The following ENO1 variants were observed in gnomAD, a reference collection of about 807,000 sequenced individuals.
ENO1 encodes enolase 1, also known as alpha-enolase.
Under a neutral mutation model 46.3 loss-of-function variants are expected in ENO1, and 33 were observed. The ratio of observed to expected loss-of-function variants is 0.71; its 90% CI spans 0.54 to 0.95. The LOEUF is 0.95. Among genes scored for constraint, ENO1 ranks in the 40% least tolerant of loss-of-function variants. ENO1 has a pLI of 0.00. For missense variants in ENO1, 488 were observed against 553.3 expected (o/e 0.88, Z 1.18); for synonymous variants, 220 against 216.0 (o/e 1.02, Z -0.16).
In ENO1 at chr1:8,871,094, C is replaced by T. The variant is rs900684284; in HGVS notation, c.182-584G>A. On this transcript the variant is annotated intron_variant, in intron 3 of 11. Transcript: ENST00000234590. ...CCTGCTCCGGCTAAGTCCCCACGTACGCCATTAAACAACGGTCAAATGGTA... is the reference window on the plus strand; with the variant it reads ...CCTGCTCCGGCTAAGTCCCCACGTATGCCATTAAACAACGGTCAAATGGTA... The T allele has an allele frequency of 9.6e-5, 116 of 1,208,896 alleles. No individual in the cohort carries two copies. The East Asian group carries it at 3.5e-3, about 37-fold the overall frequency. 74.9% of individuals were successfully genotyped at this position (1,208,896 alleles called of 1,614,324 possible).
intron 8 of ENO1, among the ~76,000 whole-genome samples, chr1:8,864,467 C>CTTATT (rs143400663): frequency 3.9e-5 from 6 of 152,246 alleles, no homozygotes; most frequent in South Asian, 2.1e-4. Context: ...TACCCAGCTA[C>CTTATT]TTATTTTATT....
At chr1:8,866,226 A>AG (rs3831913) in intron 7 of ENO1, 53 bp downstream of exon 7, 780,898 of 1,546,740 alleles carry the variant, frequency 0.5, 206,548 homozygotes, top group Non-Finnish European at 0.55. Context: ...CCCCCAACAG[A>AG]GGGAGCTGGC....
rs778504712 is a variant in ENO1, at chr1:8,865,496, G to T, written c.668-14C>A. 6.2e-7 allele frequency: 1 copy of T among 1,612,060 alleles called. No homozygotes were observed. Among genetic ancestry groups the T allele is most frequent in the Admixed American group, 1.7e-5 (1 of 60,006 alleles). On this transcript the variant is annotated splice_polypyrimidine_tract_variant and intron_variant, in intron 7 of 11. Transcript: ENST00000234590. ...GCAGCTCCAGGCCTGGGAAGAGATG[G>T]TGACAACAGGTTTGGAAAACAGGTA... is the stretch of plus-strand genomic sequence containing the variant.
intron 7 of ENO1, 48 bp from the exon 8 acceptor site, chr1:8,865,530 GA>G: frequency 6.3e-7 from 1 of 1,590,808 alleles, no homozygotes; most frequent in Non-Finnish European, 8.6e-7. Flanking sequence ...TAGGTACAGA[GA>G]AAACTTCCCT....
Position 8,874,911 on chromosome 1 carries a change from T to G in ENO1, c.-3A>C. ...GCATGGATCTTGAGAATAGACATGG[T>G]GAACTTCTGTAGAAGAAACACACAG... On this transcript the variant is annotated 5_prime_UTR_variant, in exon 2 of 12. Transcript: ENST00000234590. The G allele has an allele frequency of 6.2e-7, 1 of 1,612,926 alleles. No individual in the cohort carries two copies. Among genetic ancestry groups the G allele is most frequent in the Non-Finnish European group, 8.5e-7 (1 of 1,179,234 alleles).
chr1:8,874,577 C>CAAAAAAAAAAAAAAAAAAAAAAA (rs140269736), intron 2 of ENO1, among the ~76,000 whole-genome samples: 10 of 51,572 alleles, frequency 1.9e-4, no homozygotes, highest in Admixed American at 3.2e-4. Flanking sequence ...GACTCCATCT[C>CAAAAAAAAAAAAAAAAAAAAAAA]AAAAAAAAAA....
rs1472662105 is a variant in ENO1, at chr1:8,878,663, G to A, written c.-93C>T. On this transcript the variant is annotated 5_prime_UTR_variant, in exon 1 of 12. It adds an upstream start codon to the 5' untranslated region. Coordinates refer to ENST00000234590, the MANE Select transcript of ENO1 (RefSeq NM_001428.5). Reference sequence around the variant, plus strand: ...TGAACGTAAAGCCGGCGAGATCTCCGTGCTCCGGGTACCCACAGATACTGT... The same window carrying A: ...TGAACGTAAAGCCGGCGAGATCTCCATGCTCCGGGTACCCACAGATACTGT... 1 of 456,102 alleles carries A rather than the reference G, an allele frequency of 2.2e-6. No individual in the cohort carries two copies. Among genetic ancestry groups the A allele is most frequent in the Non-Finnish European group, 4.4e-6 (1 of 226,814 alleles). The allele number at this position is 456,102 out of a possible 1,614,324, so 28.3% of individuals were successfully genotyped here.
chr1:8,877,714 A>ACAAC (rs1557589614), intron 1 of ENO1: 1 of 151,348 alleles, frequency 6.6e-6, no homozygotes, highest in Non-Finnish European at 1.5e-5. Flanking sequence ...CAACAACAAA[A>ACAAC]AAAAAACAAA....
At chr1:8,875,887 G>C (rs1248461270) in intron 1 of ENO1, 1 of 152,028 alleles carries the variant, frequency 6.6e-6, no homozygotes. Context: ...AAGCATGCTA[G>C]GATGATTATA....
At chr1:8,870,936 G>T in intron 3 of ENO1, 1 of 1,253,094 alleles carries the variant, frequency 8.0e-7, no homozygotes. Flanking sequence ...GAAGAGAACC[G>T]GTGATTAAGG....
intron 1 of ENO1, 38 bp downstream of exon 1, chr1:8,878,542 G>A (rs540254544): frequency 8.8e-6 from 4 of 452,766 alleles, no homozygotes; most frequent in East Asian, 7.0e-5. Flanking sequence ...AAAGCCCTGC[G>A]CCGCCTGCCC....
intron 1 of ENO1, among the ~76,000 whole-genome samples, chr1:8,876,675 A>AT (rs968609579): frequency 2.2e-4 from 33 of 152,022 alleles, no homozygotes; most frequent in Middle Eastern, 3.2e-3. Flanking sequence ...AGGAGGGTGG[A>AT]TCACGAGGTC....
At chr1:8,876,786 A>T (rs1642741799) in intron 1 of ENO1, among the ~76,000 whole-genome samples, 1 of 149,354 alleles carries the variant, frequency 6.7e-6, no homozygotes, top group Non-Finnish European at 1.5e-5. Context: ...CGACAGAGAG[A>T]CTCCGTCTCA....
chr1:8,870,378 A>G, intron 4 of ENO1, 74 bp downstream of exon 4: 1 of 1,590,364 alleles, frequency 6.3e-7, no homozygotes, highest in South Asian at 1.1e-5. Context: ...CTCTTCCATA[A>G]ACAGGAAAGC....
chr1:8,866,241 C>A, intron 7 of ENO1, 38 bp downstream of exon 7: 1 of 1,600,952 alleles, frequency 6.2e-7, no homozygotes. Context: ...GCTGGCGCTG[C>A]AGGGCTGGGT....
At chr1:8,867,399 A>G in intron 5 of ENO1, 149 bp from the exon 6 acceptor site, 1 of 1,154,188 alleles carries the variant, frequency 8.7e-7, no homozygotes. Context: ...ATAGCATTCT[A>G]TGTGGACTCA....
chr1:8,866,594 A>C, intron 6 of ENO1, 93 bp from the exon 7 acceptor site: 79 of 1,360,024 alleles, frequency 5.8e-5, no homozygotes, highest in Non-Finnish European at 7.6e-5. Flanking sequence ...AATCTAGCTC[A>C]CAGATGAGCC....
chr1:8,878,005 C>T (rs1642772384), intron 1 of ENO1: 1 of 152,948 alleles, frequency 6.5e-6, no homozygotes, highest in African/African-American at 2.4e-5. Context: ...CTGTAGGTTC[C>T]TCAAGAGGTG....
At chr1:8,878,364 G>T in intron 1 of ENO1, 1 of 309,510 alleles carries the variant, frequency 3.2e-6, no homozygotes, top group Non-Finnish European at 6.2e-6. Context: ...AAAGAAATCG[G>T]GGGCCCAGCA....
Sources: gnomAD v4.1 joint callset for allele counts (sites outside exome capture counted in the v4.1 genomes callset) on GRCh38, gnomAD v4.1.1 for gene constraint, MANE v1.5 for transcripts, NCBI Gene and HGNC (gene_info 2026-07-23, HGNC 2026-07-21) for gene names.